The following EIF3L variants were observed in gnomAD, a reference collection of about 807,000 sequenced individuals.
EIF3L encodes the protein eukaryotic translation initiation factor 3 subunit L.
Under a neutral mutation model 74.6 loss-of-function variants are expected in EIF3L, and 32 were observed. That is an observed-to-expected ratio of 0.43 (90% CI 0.32 to 0.58). EIF3L has a LOEUF of 0.58. Ranked by LOEUF, EIF3L falls within the 20% of genes least tolerant of loss-of-function variation. The pLI is 0.06. For synonymous variants in EIF3L, 256 were observed against 254.4 expected (o/e 1.01, Z -0.06); for missense variants, 474 against 707.8 (o/e 0.67, Z 3.75).
intron 11 of EIF3L, 192 bp downstream of exon 11, chr22:37,878,363 C>G (rs9610859): frequency 1.9e-5 from 11 of 587,258 alleles, no homozygotes; most frequent in South Asian, 5.7e-5. Context: ...GAGGATCACT[C>G]TAGCCCAGGA....
chr22:37,865,490 A>C (rs1234208737), intron 7 of EIF3L, among the ~76,000 whole-genome samples: 1 of 152,188 alleles, frequency 6.6e-6, no homozygotes, highest in Non-Finnish European at 1.5e-5. Flanking sequence ...AAAATATATA[A>C]TTTGACAAAA....
chr22:37,868,965 T>C (rs1255636515), intron 7 of EIF3L, among the ~76,000 whole-genome samples: 1 of 151,638 alleles, frequency 6.6e-6, no homozygotes, highest in African/African-American at 2.4e-5. Flanking sequence ...TTAGTAGAGA[T>C]GGGGTTTCAC....
At chr22:37,857,625 A>T (rs1026165110) in intron 4 of EIF3L, among the ~76,000 whole-genome samples, 1 of 150,656 alleles carries the variant, frequency 6.6e-6, no homozygotes, top group Admixed American at 6.6e-5. Context: ...GCTCGCTGCA[A>T]CCTCTGCCTC....
chr22:37,862,235 C>T (rs772712561), intron 5 of EIF3L, among the ~76,000 whole-genome samples: 2 of 152,212 alleles, frequency 1.3e-5, no homozygotes, highest in African/African-American at 4.8e-5. Flanking sequence ...AGAGGTGGGA[C>T]TGACTCCAAA....
chr22:37,850,181 G>A (rs1925110632), intron 2 of EIF3L, 118 bp downstream of exon 2: 5 of 1,075,262 alleles, frequency 4.7e-6, no homozygotes, highest in Non-Finnish European at 7.1e-6. Context: ...TTTGGAGTCA[G>A]TCATTAGCTG....
chr22:37,875,974 A>C lies in EIF3L; in HGVS notation c.1040A>C (p.Lys347Thr), dbSNP rs1443621132. ...ATCCTCCTCTACATCCAGAGGACCA[A>C]GAGCATGTTCCAGAGGACCACGTAC... The part of the protein sequence containing the change: ...ANILLYIQRT[K>T]SMFQRTTYKY... The change falls in exon 10 of 13, where the codon AAG becomes ACG. Residue 347 changes from lysine to threonine, a missense_variant. Physicochemically the swap from Lys to Thr is moderately conservative, Grantham distance 78 (BLOSUM62 -1). This residue lies in a region of EIF3L where 293 missense variants were observed against 469.1 expected (regional missense o/e 0.62). Coordinates refer to ENST00000652021, the MANE Select transcript of EIF3L (RefSeq NM_016091.4). 1 of 1,614,148 alleles carries C rather than the reference A, an allele frequency of 6.2e-7. No homozygotes were observed. The highest frequency in any genetic ancestry group is 1.7e-5 in the Admixed American group (1 of 60,004).
chr22:37,884,565 C>T (rs1339441717), intron 11 of EIF3L: 1 of 152,076 alleles, frequency 6.6e-6, no homozygotes, highest in Non-Finnish European at 1.5e-5. Context: ...TTAGCTAGCC[C>T]GATACAAACA....
Position 37,888,576 on chromosome 22 carries a change from A to T in EIF3L, c.*112A>T, listed in dbSNP as rs1386354451. The T allele has an allele frequency of 8.8e-7, 1 of 1,138,650 alleles. No individual in the cohort carries two copies. Among genetic ancestry groups the T allele is most frequent in the African/African-American group, 1.5e-5 (1 of 65,190 alleles). The allele number at this position is 1,138,650 out of a possible 1,614,324, so 70.5% of individuals were successfully genotyped here. ...CCATCAGCCTGTCAACTCAGTTAAC[A>T]AGTTAAGGACCGAAGTGTTTCAAGT... On this transcript the variant is annotated 3_prime_UTR_variant, in exon 13 of 13. Coordinates refer to ENST00000652021, the MANE Select transcript of EIF3L (RefSeq NM_016091.4).
intron 4 of EIF3L, among the ~76,000 whole-genome samples, chr22:37,857,495 C>A (rs531991266): frequency 3.3e-5 from 5 of 151,122 alleles, no homozygotes; most frequent in East Asian, 1.9e-4. Flanking sequence ...ACAAGTCTCT[C>A]ATTTGTTTTG....
chr22:37,881,041 A>G lies in EIF3L; in HGVS notation c.1575+2870A>G, dbSNP rs2145840109. On this transcript the variant is annotated intron_variant, in intron 11 of 12. Coordinates refer to ENST00000652021, the MANE Select transcript of EIF3L (RefSeq NM_016091.4). ...TGGTTTGTATATTACAAAAAATACA[A>G]GTAAGGTTTTTACAGAGTGGCTAGT... 1.3e-5 allele frequency: 2 copies of G among 152,322 alleles called. 1 individual carries two copies. Among genetic ancestry groups the G allele is most frequent in the East Asian group, 3.9e-4 (2 of 5,184 alleles). The allele number at this position is 152,322 out of a possible 1,614,324, so 9.4% of individuals were successfully genotyped here.
chr22:37,873,315 TTG>T (rs1555916095), intron 8 of EIF3L, among the ~76,000 whole-genome samples: 10 of 151,284 alleles, frequency 6.6e-5, no homozygotes, highest in Non-Finnish European at 1.2e-4. Flanking sequence ...TTTTTTTTTT[TTG>T]AGGTGGAGTC....
chr22:37,868,791 T>TGCC (rs1555915609), intron 7 of EIF3L, among the ~76,000 whole-genome samples: 95 of 151,662 alleles, frequency 6.3e-4, no homozygotes, highest in Non-Finnish European at 1.1e-3. Flanking sequence ...TACAGGCATG[T>TGCC]ATCACTGTAC....
chr22:37,864,261 C>T (rs1212595921), intron 7 of EIF3L, among the ~76,000 whole-genome samples: 1 of 152,140 alleles, frequency 6.6e-6, no homozygotes, highest in Non-Finnish European at 1.5e-5. Context: ...TGCTGTGTTG[C>T]CCATGCTGGT....
intron 12 of EIF3L, 163 bp from the exon 13 acceptor site, chr22:37,888,263 A>G (rs879337369): frequency 2.4e-5 from 16 of 668,428 alleles, no homozygotes; most frequent in Non-Finnish European, 3.7e-5. Context: ...GCAGGGCCAT[A>G]TGAATGTCAC....
intron 8 of EIF3L, among the ~76,000 whole-genome samples, chr22:37,871,680 C>A (rs1169806870): frequency 6.6e-6 from 1 of 151,928 alleles, no homozygotes; most frequent in East Asian, 1.9e-4. Context: ...CCATCCTGGC[C>A]AACATGGTGA....
chr22:37,856,266 G>A (rs904908083), intron 4 of EIF3L, among the ~76,000 whole-genome samples: 3 of 151,910 alleles, frequency 2.0e-5, no homozygotes, highest in Non-Finnish European at 2.9e-5. Flanking sequence ...TAGTAGAGAC[G>A]GGGTTTCACC....
chr22:37,857,165 T>A (rs941152071), intron 4 of EIF3L, among the ~76,000 whole-genome samples: 2 of 151,592 alleles, frequency 1.3e-5, no homozygotes, highest in African/African-American at 4.8e-5. Flanking sequence ...ATCGAGACCA[T>A]CCTGGCTAAC....
intron 9 of EIF3L, among the ~76,000 whole-genome samples, chr22:37,874,895 A>ATTTTTT (rs35994639): frequency 1.9e-4 from 22 of 113,474 alleles, no homozygotes; most frequent in Non-Finnish European, 2.9e-4. Flanking sequence ...TGCCCAGCTA[A>ATTTTTT]TTTTTTTTTT....
chr22:37,862,904 A>G, intron 5 of EIF3L, 65 bp from the exon 6 acceptor site: 1 of 1,217,614 alleles, frequency 8.2e-7, no homozygotes, highest in Non-Finnish European at 1.2e-6. Context: ...CTGTCACAGT[A>G]TACCATGGGT....
Sources: allele counts gnomAD v4.1 joint callset (sites outside exome capture counted in the v4.1 genomes callset), GRCh38; gene constraint gnomAD v4.1.1; regional missense constraint gnomAD v4.1.1; transcripts MANE v1.5; gene names NCBI Gene and HGNC (gene_info 2026-07-23, HGNC 2026-07-21).